Variants in CADM1 observed in about 807,000 individuals in gnomAD.
The protein encoded by CADM1 is cell adhesion molecule 1, also known as TSLC-1.
In CADM1, 15 loss-of-function variants were observed where a neutral mutation model predicts 53.1. That is an observed-to-expected ratio of 0.28 (90% CI 0.19 to 0.44). The LOEUF is 0.44. Among genes scored for constraint, CADM1 ranks in the 20% least tolerant of loss-of-function variants. The pLI is 1.00. For missense variants in CADM1, 434 were observed against 611.3 expected, an observed-to-expected ratio of 0.71 and a Z score of 3.06; for synonymous variants, 281 against 243.0, an observed-to-expected ratio of 1.16 and a Z score of -1.45.
At chr11:115,248,321 A>AG (rs1942475491) in intron 1 of CADM1, among the ~76,000 whole-genome samples, 1 of 152,240 alleles carries the variant, frequency 6.6e-6, no homozygotes, top group African/African-American at 2.4e-5. Flanking sequence ...CCATCACATT[A>AG]GCTGCCTTCC....
At chr11:115,325,296 C>T (rs1010863137) in intron 1 of CADM1, among the ~76,000 whole-genome samples, 4 of 152,110 alleles carry the variant, frequency 2.6e-5, no homozygotes, top group Non-Finnish European at 2.9e-5. Flanking sequence ...ACGTCCCAGA[C>T]GTGCATCTCC....
intron 10 of CADM1, among the ~76,000 whole-genome samples, chr11:115,180,728 T>C (rs1208961813): frequency 2.6e-5 from 4 of 151,960 alleles, no homozygotes; most frequent in Non-Finnish European, 4.4e-5. Flanking sequence ...GGAGAGCGCT[T>C]GACACACTGG....
At chr11:115,328,706 A>ATACATATATACGCGTG (rs1366307367) in intron 1 of CADM1, among the ~76,000 whole-genome samples, 2 of 30,874 alleles carry the variant, frequency 6.5e-5, no homozygotes, top group Admixed American at 3.6e-4. Flanking sequence ...ATATATGTAT[A>ATACATATATACGCGTG]TATATATGTG....
At position 115,450,263 on chromosome 11, in the gene CADM1, G is replaced by A. The variant is rs561227907; in HGVS notation, c.124+54008C>T. Among the ~76,000 whole-genome samples the A allele has an allele frequency of 3.9e-5, 6 of 152,226 alleles. No individual in the cohort carries two copies. In the East Asian group the frequency reaches 7.7e-4, roughly 20 times the overall value. On this transcript the variant is annotated intron_variant, in intron 1 of 11. Coordinates refer to ENST00000331581, the MANE Select transcript of CADM1 (RefSeq NM_001301043.2). The stretch of plus-strand genomic sequence containing the variant: ...AGCACCAATCATAAAATACTGGTCC[G>A]CACAGGCCCATCTTTCTGTTTCCTT...
chr11:115,203,745 G>T (rs1458264299), intron 8 of CADM1, among the ~76,000 whole-genome samples: 1 of 151,974 alleles, frequency 6.6e-6, no homozygotes, highest in Non-Finnish European at 1.5e-5. Context: ...AAAAATATGG[G>T]GTCAGGTGGC....
At chr11:115,308,627 A>G (rs777015865) in intron 1 of CADM1, among the ~76,000 whole-genome samples, 12 of 152,024 alleles carry the variant, frequency 7.9e-5, no homozygotes, top group Admixed American at 3.9e-4. Flanking sequence ...AAAGGTATAG[A>G]TATCTATGGT....
chr11:115,378,935 A>T (rs891145843), intron 1 of CADM1, among the ~76,000 whole-genome samples: 1 of 152,206 alleles, frequency 6.6e-6, no homozygotes, highest in Non-Finnish European at 1.5e-5. Flanking sequence ...TTGATGGCAC[A>T]TTACGTGAGC....
intron 1 of CADM1, among the ~76,000 whole-genome samples, chr11:115,433,977 C>A (rs1242980592): frequency 6.6e-6 from 1 of 152,172 alleles, no homozygotes; most frequent in Admixed American, 6.5e-5. Flanking sequence ...AACCTGCCAG[C>A]ACTTCAAATA....
chr11:115,460,566 A>G (rs1948773139), intron 1 of CADM1, among the ~76,000 whole-genome samples: 1 of 152,190 alleles, frequency 6.6e-6, no homozygotes, highest in Non-Finnish European at 1.5e-5. Flanking sequence ...AATTGTTTTA[A>G]GTGGCAATAA....
chr11:115,352,397 C>T (rs1028698104), intron 1 of CADM1, among the ~76,000 whole-genome samples: 1 of 152,192 alleles, frequency 6.6e-6, no homozygotes, highest in African/African-American at 2.4e-5. Context: ...AATGAATGAA[C>T]CAATGCATGG....
At chr11:115,186,907 G>T (rs1037728104) in intron 10 of CADM1, among the ~76,000 whole-genome samples, 8 of 152,178 alleles carry the variant, frequency 5.3e-5, no homozygotes, top group African/African-American at 1.9e-4. Flanking sequence ...GAGAGCAGGG[G>T]CCCTGGCTCC....
chr11:115,436,537 A>G (rs1464140609), intron 1 of CADM1, among the ~76,000 whole-genome samples: 1 of 152,224 alleles, frequency 6.6e-6, no homozygotes, highest in Non-Finnish European at 1.5e-5. Flanking sequence ...ACGAAAATAC[A>G]GCTGAGGTAA....
intron 1 of CADM1, among the ~76,000 whole-genome samples, chr11:115,260,965 T>C (rs1224170329): frequency 6.6e-6 from 1 of 152,146 alleles, no homozygotes; most frequent in African/African-American, 2.4e-5. Context: ...TGAGCCACCA[T>C]GCCCATCCTA....
At chr11:115,337,470 G>C (rs1379083356) in intron 1 of CADM1, among the ~76,000 whole-genome samples, 1 of 151,874 alleles carries the variant, frequency 6.6e-6, no homozygotes, top group African/African-American at 2.4e-5. Flanking sequence ...TCCACCATTC[G>C]ACCTGCACCC....
At position 115,357,939 on chromosome 11, in the gene CADM1, ATAATTACT is replaced by A. The variant is rs140697856; in HGVS notation, c.125-117527_125-117520del. 2.8e-4 allele frequency among the ~76,000 whole-genome samples: 42 copies of A among 152,318 alleles called. 1 individual carries two copies. The East Asian group carries it at 8.1e-3, about 29-fold the overall frequency. ...GTCCAGTACAACAGACAGACACTAG[ATAATTACT>A]TGATTATAATGTGGTAATTGCCATA... On this transcript the variant is annotated intron_variant, in intron 1 of 11. Coordinates refer to ENST00000331581, the MANE Select transcript of CADM1 (RefSeq NM_001301043.2).
intron 6 of CADM1, among the ~76,000 whole-genome samples, chr11:115,216,925 T>C (rs1941212404): frequency 6.6e-6 from 1 of 152,188 alleles, no homozygotes; most frequent in Non-Finnish European, 1.5e-5. Flanking sequence ...AAAACTGTGA[T>C]GACGCTGGCT....
chr11:115,404,341 AAAAAAATATATATAT>A (rs1490652573), intron 1 of CADM1, among the ~76,000 whole-genome samples: 7 of 42,480 alleles, frequency 1.6e-4, no homozygotes, highest in African/African-American at 4.5e-4. Flanking sequence ...AAAAAAAAAA[AAAAAAATATATATAT>A]ATATATATAT....
chr11:115,355,990 G>A (rs1439401352), intron 1 of CADM1, among the ~76,000 whole-genome samples: 3 of 151,900 alleles, frequency 2.0e-5, no homozygotes, highest in Non-Finnish European at 2.9e-5. Flanking sequence ...GTGCCACCAC[G>A]CCCAGCTAAT....
intron 1 of CADM1, among the ~76,000 whole-genome samples, chr11:115,428,942 C>T (rs570241119): frequency 3.9e-5 from 6 of 152,260 alleles, no homozygotes; most frequent in Admixed American, 2.0e-4. Context: ...TAACATCTCA[C>T]GTTTGAGGCC....
Sources: allele counts gnomAD v4.1 joint callset (sites outside exome capture counted in the v4.1 genomes callset), GRCh38; gene constraint gnomAD v4.1.1; transcripts MANE v1.5; gene names NCBI Gene and HGNC (gene_info 2026-07-23, HGNC 2026-07-21).